The following TBC1D5 variants were observed in gnomAD, a reference collection of about 807,000 sequenced individuals.
TBC1D5 encodes the protein TBC1 domain family, member 5.
A neutral mutation model predicts 100.3 loss-of-function variants in TBC1D5; 75 were observed. That is an observed-to-expected ratio of 0.75 (90% CI 0.62 to 0.91). The LOEUF is 0.91. Among genes scored for constraint, TBC1D5 ranks in the 40% least tolerant of loss-of-function variants. The pLI, the probability that TBC1D5 is intolerant of heterozygous loss-of-function variation, is 0.00. For synonymous variants in TBC1D5, 323 were observed against 325.6 expected (o/e 0.99, Z 0.09); for missense variants, 910 against 942.4 (o/e 0.97, Z 0.45).
intron 3 of TBC1D5, among the ~76,000 whole-genome samples, chr3:17,458,043 C>CA (rs1425782716): frequency 6.6e-6 from 1 of 152,102 alleles, no homozygotes; most frequent in Non-Finnish European, 1.5e-5. Context: ...CCTTTGTACT[C>CA]AAAAAAGTTA....
chr3:17,384,607 T>G (rs1162714050), intron 8 of TBC1D5, among the ~76,000 whole-genome samples: 1 of 152,026 alleles, frequency 6.6e-6, no homozygotes, highest in African/African-American at 2.4e-5. Context: ...CATCTAGTAG[T>G]AGTAGTCAAC....
chr3:17,391,512 C>T (rs1019916355), intron 8 of TBC1D5, among the ~76,000 whole-genome samples: 24 of 151,740 alleles, frequency 1.6e-4, no homozygotes, highest in African/African-American at 3.1e-4. Context: ...TGATTAATTA[C>T]GTAGCAAAAT....
intron 5 of TBC1D5, among the ~76,000 whole-genome samples, chr3:17,405,435 A>G (rs1365764068): frequency 1.3e-5 from 2 of 152,110 alleles, no homozygotes; most frequent in African/African-American, 4.8e-5. Context: ...TTCCTTTTAC[A>G]GAAAAAAAAT....
rs903071136 is a variant in TBC1D5, at chr3:17,681,165, C to T, written c.-100-57252G>A. Among the ~76,000 whole-genome samples the T allele has an allele frequency of 4.0e-5, 6 of 151,644 alleles. 1 individual carries two copies. The highest frequency in any genetic ancestry group is 5.9e-5 in the Non-Finnish European group (4 of 68,042). On this transcript the variant is annotated intron_variant, in intron 1 of 21. Coordinates refer to ENST00000253692, the Ensembl canonical transcript of TBC1D5. ...TAGTAAAGTATTTCAGGAAGGGCTT[C>T]ATACCGTAACTAACTGGAGGCAGAA...
intron 15 of TBC1D5, among the ~76,000 whole-genome samples, chr3:17,273,039 T>C (rs2079591868): frequency 6.6e-6 from 1 of 152,192 alleles, no homozygotes; most frequent in Non-Finnish European, 1.5e-5. Flanking sequence ...TATTTTTTTA[T>C]GTCACTGTTT....
intron 14 of TBC1D5, among the ~76,000 whole-genome samples, chr3:17,307,201 T>A (rs1163385733): frequency 2.0e-5 from 3 of 152,218 alleles, no homozygotes; most frequent in African/African-American, 7.2e-5. Context: ...AAAAAGTGTA[T>A]GTTCTTCTGA....
At chr3:17,192,849 C>G (rs192562582) in intron 18 of TBC1D5, among the ~76,000 whole-genome samples, 2 of 152,252 alleles carry the variant, frequency 1.3e-5, no homozygotes, top group African/African-American at 2.4e-5. Flanking sequence ...GGTGTCCCAC[C>G]GCTGACGTCC....
At chr3:17,720,996 C>T (rs991139311) in intron 1 of TBC1D5, among the ~76,000 whole-genome samples, 5 of 151,816 alleles carry the variant, frequency 3.3e-5, no homozygotes, top group African/African-American at 9.7e-5. Context: ...TGCACTACAA[C>T]GCCTGAGTAA....
intron 2 of TBC1D5, among the ~76,000 whole-genome samples, chr3:17,568,868 T>G (rs921718851): frequency 1.3e-5 from 2 of 151,758 alleles, no homozygotes; most frequent in East Asian, 3.8e-4. Context: ...GCATTTGGTA[T>G]TCCTAATAAA....
intron 2 of TBC1D5, among the ~76,000 whole-genome samples, chr3:17,538,195 G>C (rs2096304579): frequency 6.6e-6 from 1 of 152,100 alleles, no homozygotes; most frequent in South Asian, 2.1e-4. Context: ...TGATAGTCAG[G>C]TGGTTGTTAA....
At chr3:17,166,949 A>G in intron 20 of TBC1D5, 21 bp from the exon 22 acceptor site, 6 of 1,581,630 alleles carry the variant, frequency 3.8e-6, no homozygotes, top group Non-Finnish European at 5.2e-6. Context: ...AGAAGAAGAA[A>G]ATAAATGAAA....
At chr3:17,486,445 T>C (rs547924277) in intron 3 of TBC1D5, among the ~76,000 whole-genome samples, 18 of 152,328 alleles carry the variant, frequency 1.2e-4, no homozygotes, top group African/African-American at 4.3e-4. Flanking sequence ...ATGCCTAGGT[T>C]TTCTTCTAGG....
chr3:17,333,994 G>A (rs552947129), intron 13 of TBC1D5, among the ~76,000 whole-genome samples: 1 of 152,202 alleles, frequency 6.6e-6, no homozygotes, highest in South Asian at 2.1e-4. Context: ...CATGGAACAA[G>A]TTGGGGAAAT....
At chr3:17,737,649 C>G (rs2077060518) in intron 1 of TBC1D5, among the ~76,000 whole-genome samples, 2 of 152,074 alleles carry the variant, frequency 1.3e-5, no homozygotes, top group Non-Finnish European at 2.9e-5. Flanking sequence ...CACTACTCTT[C>G]CATAAAGTAT....
intron 2 of TBC1D5, among the ~76,000 whole-genome samples, chr3:17,594,363 G>A (rs1199587963): frequency 2.0e-5 from 3 of 152,124 alleles, no homozygotes; most frequent in African/African-American, 7.2e-5. Context: ...GACTACAAAC[G>A]GTCCAGAACC....
intron 15 of TBC1D5, among the ~76,000 whole-genome samples, chr3:17,290,508 A>G (rs2081616706): frequency 6.6e-6 from 1 of 152,196 alleles, no homozygotes; most frequent in Non-Finnish European, 1.5e-5. Flanking sequence ...TCAAATTGCT[A>G]TTTTAGCAAT....
At chr3:17,485,476 C>A (rs2095552853) in intron 3 of TBC1D5, among the ~76,000 whole-genome samples, 2 of 140,224 alleles carry the variant, frequency 1.4e-5, no homozygotes, top group South Asian at 4.9e-4. Flanking sequence ...TAATGCTATC[C>A]CTCCCCCATC....
In TBC1D5 at chr3:17,706,298, C is replaced by G. The variant is rs988219024; in HGVS notation, c.-101+33045G>C. 3.3e-6 allele frequency: 5 copies of G among 1,531,008 alleles called. No individual in the cohort carries two copies. The African/African-American group carries it at 4.1e-5, about 13-fold the overall frequency. 94.8% of individuals were successfully genotyped at this position (1,531,008 alleles called of 1,614,324 possible). A position where few individuals can be genotyped will look rare whatever the true frequency, so the allele number is the denominator to read the frequency against. On this transcript the variant is annotated intron_variant, in intron 1 of 21. Transcript: ENST00000253692. ...TAAAGAGTTGAACTAGAGGGTCTCA[C>G]CTTTTCTGTTCAAACCAGAACTGTA... is the stretch of plus-strand genomic sequence containing the variant.
In TBC1D5 at chr3:17,249,456, G is replaced by A. The variant is rs533966068; in HGVS notation, c.1331+9050C>T. ...TTCCCTCCAAATCTCATGTTGAAAT[G>A]TGGTCTCCAGTGTTGATGGTGGGGC... On this transcript the variant is annotated intron_variant, in intron 16 of 21. Transcript: ENST00000253692. 3.9e-5 allele frequency among the ~76,000 whole-genome samples: 6 copies of A among 152,328 alleles called. No homozygotes were observed. In the South Asian group the frequency reaches 1.2e-3, roughly 32 times the overall value.
Sources: gnomAD v4.1 joint callset for allele counts (sites outside exome capture counted in the v4.1 genomes callset) on GRCh38, gnomAD v4.1.1 for gene constraint, MANE v1.5 for transcripts, NCBI Gene and HGNC (gene_info 2026-07-23, HGNC 2026-07-21) for gene names.